The following RNASEL variants were observed in gnomAD, a reference collection of about 807,000 sequenced individuals.
RNASEL encodes 2-5A-dependent ribonuclease.
RNASEL carries 36 observed loss-of-function variants against 50.9 expected under a neutral mutation model. The ratio of observed to expected loss-of-function variants is 0.71; its 90% CI spans 0.54 to 0.93. The LOEUF (loss-of-function observed/expected upper bound fraction) is 0.93. Ranked by LOEUF, RNASEL falls within the 40% of genes least tolerant of loss-of-function variation. The pLI, the probability that RNASEL is intolerant of heterozygous loss-of-function variation, is 0.00. For synonymous variants in RNASEL, 335 were observed against 335.6 expected (o/e 1.00, Z 0.02); for missense variants, 860 against 894.5 (o/e 0.96, Z 0.49).
In RNASEL at chr1:182,583,955, C is replaced by T. The variant is rs1363868664; in HGVS notation, c.1566+126G>A. ...TGTTGTGACCGTGTGAGTCAATTCTCCTTAATAAACTCCCTTTCATATATA... is the reference window on the plus strand; with the variant it reads ...TGTTGTGACCGTGTGAGTCAATTCTTCTTAATAAACTCCCTTTCATATATA... On this transcript the variant is annotated intron_variant, in intron 3 of 6. Transcript: ENST00000367559. 8 of 763,742 alleles carry T rather than the reference C, an allele frequency of 1.0e-5. No individual in the cohort carries two copies. In the Admixed American group the frequency reaches 1.5e-4, roughly 14 times the overall value. The allele number at this position is 763,742 out of a possible 1,614,324, so 47.3% of individuals were successfully genotyped here.
rs142133260 is a variant in RNASEL at position 182,581,328 on chromosome 1, T to C, written c.1802A>G (p.Asn601Ser). 8.7e-6 allele frequency: 14 copies of C among 1,614,124 alleles called. No individual in the cohort carries two copies. The African/African-American group carries it at 1.7e-4, about 20-fold the overall frequency. The change falls in exon 5 of 7, where the codon AAT becomes AGT. Residue 601 changes from asparagine (N) to serine (S), a missense_variant. By Grantham distance (46) the Asn-to-Ser change is conservative (BLOSUM62 1). Transcript: ENST00000367559. ...TTTTCGTGTTTTGATGTCGGATTCA[T>C]TTCCCACATTCCGAAGCGTCCTATA... is the stretch of plus-strand genomic sequence containing the variant. ...SRYRTLRNVG[N>S]ESDIKTRKSE... is the part of the protein sequence containing the mutation.
rs371601781 is a variant in RNASEL, at chr1:182,584,132, A to G, written c.1515T>C (p.Asp505=). Residue 505 remains aspartate (D), a synonymous_variant, in exon 3 of 7, where the codon GAT becomes GAC. Transcript: ENST00000367559. The part of the protein sequence containing the change: ...SKKAAHLADF[D]KSIKWAGDPQ... ...GATCTCCAGCCCACTTGATGCTCTT[A>G]TCAAAATCTGCCAGGTGAGCAGCTT... 2.5e-6 allele frequency: 4 copies of G among 1,614,024 alleles called. No individual in the cohort carries two copies. In the African/African-American group the frequency reaches 4.0e-5, roughly 16 times the overall value.
chr1:182,584,003 C>T, intron 3 of RNASEL, 78 bp downstream of exon 3: 1 of 1,019,770 alleles, frequency 9.8e-7, no homozygotes. Context: ...TAGTTCTGTC[C>T]CTCTAGAGAA....
intron 3 of RNASEL, among the ~76,000 whole-genome samples, chr1:182,583,589 G>A (rs1459596872): frequency 2.0e-5 from 3 of 152,064 alleles, no homozygotes; most frequent in Non-Finnish European, 2.9e-5. Flanking sequence ...GACTGGGAGA[G>A]GCAGACCCAC....
chr1:182,587,963 A>T (rs1029134967), intron 1 of RNASEL, among the ~76,000 whole-genome samples: 1 of 152,244 alleles, frequency 6.6e-6, no homozygotes, highest in Non-Finnish European at 1.5e-5. Flanking sequence ...GCATTCGATA[A>T]ATACATGAGA....
At chr1:182,585,267 T>C in intron 2 of RNASEL, 60 bp downstream of exon 2, 2 of 1,556,776 alleles carry the variant, frequency 1.3e-6, no homozygotes, top group Non-Finnish European at 8.8e-7. Flanking sequence ...TGAAAAACTT[T>C]TCCTATCATA....
chr1:182,577,401 T>A lies in RNASEL; in HGVS notation c.1906-1012A>T, dbSNP rs534000212. Among the ~76,000 whole-genome samples, 49 of 152,270 alleles carry A rather than the reference T, an allele frequency of 3.2e-4. 1 individual carries two copies. In the South Asian group the frequency reaches 0.01, roughly 32 times the overall value. ...TTATCCTGTGGCCACCCTTTCAAATTCGTACTTGATTACATGTCTTTCTTT... is the reference window on the plus strand; with the variant it reads ...TTATCCTGTGGCCACCCTTTCAAATACGTACTTGATTACATGTCTTTCTTT... On this transcript the variant is annotated intron_variant, in intron 5 of 6. Transcript: ENST00000367559.
At chr1:182,576,695 C>A in intron 5 of RNASEL, 1 of 221,552 alleles carries the variant, frequency 4.5e-6, no homozygotes, top group South Asian at 7.2e-5. Flanking sequence ...AGTGAAACCT[C>A]GTTTCTACTA....
Position 182,586,783 on chromosome 1 carries a change from G to A in RNASEL, c.24C>T (p.Asn8=), listed in dbSNP as rs1417134768. The change falls in exon 2 of 7, where the codon AAC becomes AAT. Residue 8 remains asparagine, a synonymous_variant. Coordinates refer to ENST00000367559, the MANE Select transcript of RNASEL (RefSeq NM_021133.4). ...TGGAGGACGTGGGTCCCTCCTGGGGGTTGTTATGATCCCTGCTCTCCATGA... is the reference window on the plus strand; with the variant it reads ...TGGAGGACGTGGGTCCCTCCTGGGGATTGTTATGATCCCTGCTCTCCATGA... MESRDHN[N]PQEGPTSSSG... 4.3e-6 allele frequency: 7 copies of A among 1,614,080 alleles called. No homozygotes were observed. The highest frequency in any genetic ancestry group is 5.9e-6 in the Non-Finnish European group (7 of 1,180,046).
At chr1:182,576,063 G>A (rs1210353803) in intron 6 of RNASEL, among the ~76,000 whole-genome samples, 193 bp downstream of exon 6, 1 of 152,230 alleles carries the variant, frequency 6.6e-6, no homozygotes, top group Non-Finnish European at 1.5e-5. Flanking sequence ...CAAGGAAGAT[G>A]AAAGCCTGCT....
intron 3 of RNASEL, among the ~76,000 whole-genome samples, chr1:182,582,688 G>C (rs1040682032): frequency 6.6e-6 from 1 of 152,180 alleles, no homozygotes; most frequent in Non-Finnish European, 1.5e-5. Flanking sequence ...GCAAAGTGAT[G>C]ACCCCAGGGA....
At position 182,575,504 on chromosome 1, in the gene RNASEL, G is replaced by A. The variant is rs1346246326; in HGVS notation, c.2114C>T (p.Thr705Ile). ...TCTATATTCTGTGTTCTGTAGTTTTGTGTAGACATAGATCACCAGATCTGG... is the reference window on the plus strand; with the variant it reads ...TCTATATTCTGTGTTCTGTAGTTTTATGTAGACATAGATCACCAGATCTGG... The part of the protein sequence containing the change: ...TFPDLVIYVY[T>I]KLQNTEYRKH... The change falls in exon 7 of 7, where the codon ACA becomes ATA. Residue 705 changes from threonine to isoleucine, a missense_variant. Coordinates refer to ENST00000367559, the MANE Select transcript of RNASEL (RefSeq NM_021133.4). The A allele has an allele frequency of 6.2e-7, 1 of 1,614,162 alleles. No homozygotes were observed. Among genetic ancestry groups the A allele is most frequent in the South Asian group, 1.1e-5 (1 of 91,080 alleles).
chr1:182,586,498 C>T lies in RNASEL; in HGVS notation c.309G>A (p.Gly103=), dbSNP rs767983709. The change falls in exon 2 of 7, where the codon GGG becomes GGA. Residue 103 remains glycine, a synonymous_variant. Coordinates refer to ENST00000367559, the MANE Select transcript of RNASEL (RefSeq NM_021133.4). ...ATPFILAAIA[G]SVKLLKLFLS... is the part of the protein sequence containing the mutation. ...GGAAAAGTTTCAGCAGCTTCACGCT[C>T]CCCGCAATCGCTGCGAGGATAAAAG... 1.2e-6 allele frequency: 2 copies of T among 1,611,940 alleles called. No homozygotes were observed. Among genetic ancestry groups the T allele is most frequent in the South Asian group, 2.2e-5 (2 of 91,038 alleles).
At chr1:182,581,473 CTTTTTTTTTTTT>C (rs1011639686) in intron 4 of RNASEL, 116 bp from the exon 5 acceptor site, 25 of 294,828 alleles carry the variant, frequency 8.5e-5, no homozygotes, top group Admixed American at 2.7e-4. Flanking sequence ...GTTTTTCTTT[CTTTTTTTTTTTT>C]TTTTTTTTTT....
intron 2 of RNASEL, among the ~76,000 whole-genome samples, chr1:182,584,811 C>T (rs530782926): frequency 6.6e-6 from 1 of 152,278 alleles, no homozygotes; most frequent in South Asian, 2.1e-4. Context: ...TGGGACTTTA[C>T]GGTCAGCCTT....
At position 182,576,330 on chromosome 1, in the gene RNASEL, G is replaced by A. The variant is rs760238746; in HGVS notation, c.1965C>T (p.Tyr655=). ...TTAGCAGATCACCCACAGTGTTCTG[G>A]TAGAAATTGCCTCTTTTTTCATAAA... ...NKFYEKRGNF[Y]QNTVGDLLKF... is the part of the protein sequence containing the mutation. Residue 655 remains tyrosine (Y), a synonymous_variant, in exon 6 of 7, where the codon TAC becomes TAT. Coordinates refer to ENST00000367559, the MANE Select transcript of RNASEL (RefSeq NM_021133.4). 6.2e-7 allele frequency: 1 copy of A among 1,607,958 alleles called. No individual in the cohort carries two copies. The highest frequency in any genetic ancestry group is 1.1e-5 in the South Asian group (1 of 90,468).
At chr1:182,577,843 C>A (rs1464722224) in intron 5 of RNASEL, among the ~76,000 whole-genome samples, 2 of 152,066 alleles carry the variant, frequency 1.3e-5, no homozygotes, top group Non-Finnish European at 2.9e-5. Flanking sequence ...TATCTACAAC[C>A]AACTGATCTT....
chr1:182,576,448 A>T, intron 5 of RNASEL, 59 bp from the exon 6 acceptor site: 5 of 1,371,738 alleles, frequency 3.6e-6, no homozygotes, highest in Non-Finnish European at 5.1e-6. Context: ...ATCCTGATGA[A>T]ATATTCATAC....
At position 182,586,493 on chromosome 1, in the gene RNASEL, A is replaced by T. The variant is rs535467527; in HGVS notation, c.314T>A (p.Val105Glu). The T allele has an allele frequency of 6.2e-6, 10 of 1,612,398 alleles. No homozygotes were observed. The highest frequency in any genetic ancestry group is 8.5e-6 in the Non-Finnish European group (10 of 1,178,584). Reference sequence around the variant, plus strand: ...AGAAAGGAAAAGTTTCAGCAGCTTCACGCTCCCCGCAATCGCTGCGAGGAT... The same window carrying T: ...AGAAAGGAAAAGTTTCAGCAGCTTCTCGCTCCCCGCAATCGCTGCGAGGAT... Reference protein sequence around the residue: ...PFILAAIAGSVKLLKLFLSKG... With the variant: ...PFILAAIAGSEKLLKLFLSKG... Residue 105 changes from valine (V) to glutamate (E), a missense_variant, in exon 2 of 7, where the codon GTG (valine) becomes GAG (glutamate). Physicochemically the swap from Val to Glu is moderately radical, Grantham distance 121. Transcript: ENST00000367559.
Sources: allele counts gnomAD v4.1 joint callset (sites outside exome capture counted in the v4.1 genomes callset), GRCh38; gene constraint gnomAD v4.1.1; transcripts MANE v1.5; gene names NCBI Gene and HGNC (gene_info 2026-07-23, HGNC 2026-07-21).